Variants in ANAPC1 observed in about 807,000 individuals in gnomAD.
The protein encoded by ANAPC1 is anaphase promoting complex subunit 1.
A neutral mutation model predicts 208.0 loss-of-function variants in ANAPC1; 36 were observed. That is an observed-to-expected ratio of 0.17 (90% CI 0.13 to 0.23). The LOEUF is 0.23. Among genes scored for constraint, ANAPC1 ranks in the 10% least tolerant of loss-of-function variants. ANAPC1 has a pLI of 1.00. For missense variants in ANAPC1, 942 were observed against 2,011.6 expected, an observed-to-expected ratio of 0.47 and a Z score of 10.17; for synonymous variants, 378 against 695.2, an observed-to-expected ratio of 0.54 and a Z score of 7.18.
At chr2:111,862,189 C>A (rs990450163) in intron 10 of ANAPC1, among the ~76,000 whole-genome samples, 200 bp downstream of exon 10, 7 of 152,066 alleles carry the variant, frequency 4.6e-5, no homozygotes, top group African/African-American at 1.4e-4. Flanking sequence ...CAGGCATGAA[C>A]CACCACGTCC....
At chr2:111,848,594 T>C (rs935929512) in intron 14 of ANAPC1, among the ~76,000 whole-genome samples, 8 of 151,950 alleles carry the variant, frequency 5.3e-5, no homozygotes, top group Non-Finnish European at 8.8e-5. Context: ...CTGGCCAACA[T>C]GGTGAAACCC....
At chr2:111,827,768 T>A (rs995672280) in intron 21 of ANAPC1, among the ~76,000 whole-genome samples, 1 of 151,314 alleles carries the variant, frequency 6.6e-6, no homozygotes, top group African/African-American at 2.4e-5. Context: ...ATAAAAAAAA[T>A]AAAAAATAAA....
At chr2:111,867,708 A>G (rs1573502962) in intron 7 of ANAPC1, among the ~76,000 whole-genome samples, 1 of 151,500 alleles carries the variant, frequency 6.6e-6, no homozygotes, top group East Asian at 1.9e-4. Context: ...AAAAAAACCC[A>G]AAACAACAAC....
At position 111,868,078 on chromosome 2, in the gene ANAPC1, C is replaced by T. The variant is rs368125499; in HGVS notation, c.630G>A (p.Met210Ile). The T allele has an allele frequency of 1.9e-6, 3 of 1,594,350 alleles. No homozygotes were observed. The highest frequency in any genetic ancestry group is 2.6e-6 in the Non-Finnish European group (3 of 1,170,922). ...PGSPREPLPTMFSMLHPLDEI... is the reference protein window; with the variant it reads ...PGSPREPLPTIFSMLHPLDEI... Reference sequence around the variant, plus strand: ...CATCTAGTGGGTGCAGCATGCTGAACATAGTAGGTAAAGGTTCTCTAGCAA... The same window carrying T: ...CATCTAGTGGGTGCAGCATGCTGAATATAGTAGGTAAAGGTTCTCTAGCAA... The change falls in exon 7 of 48, where the codon ATG becomes ATA. Residue 210 changes from methionine (M) to isoleucine (I), a missense_variant. Physicochemically the swap from Met to Ile is conservative, Grantham distance 10. Coordinates refer to ENST00000341068, the MANE Select transcript of ANAPC1 (RefSeq NM_022662.4).
chr2:111,766,658 G>A (rs1476602366), downstream of ANAPC1: 5 of 295,916 alleles, frequency 1.7e-5, no homozygotes, highest in Non-Finnish European at 3.6e-5. Flanking sequence ...CATGCGGGAG[G>A]CAACGAAGTC....
chr2:111,790,615 GAAGAT>G (rs766756522), intron 38 of ANAPC1, among the ~76,000 whole-genome samples: 10 of 152,008 alleles, frequency 6.6e-5, no homozygotes, highest in Non-Finnish European at 1.3e-4. Context: ...AAAACTTCTA[GAAGAT>G]AAGATAGGAG....
intron 9 of ANAPC1, 27 bp from the exon 10 acceptor site, chr2:111,862,625 C>T (rs1235263619): frequency 1.2e-6 from 2 of 1,603,084 alleles, no homozygotes; most frequent in Non-Finnish European, 1.7e-6. Flanking sequence ...GGAGAGAGTA[C>T]ATCACAGTTA....
chr2:111,835,399 C>T (rs1680409321), intron 18 of ANAPC1, among the ~76,000 whole-genome samples: 1 of 152,182 alleles, frequency 6.6e-6, no homozygotes, highest in Admixed American at 6.5e-5. Context: ...TTTGGTTCTA[C>T]TTGTGATTTA....
chr2:111,871,849 G>A (rs1682765723), intron 6 of ANAPC1, among the ~76,000 whole-genome samples: 1 of 152,210 alleles, frequency 6.6e-6, no homozygotes, highest in Non-Finnish European at 1.5e-5. Flanking sequence ...TTTGTAATCT[G>A]AGACTTTACT....
At chr2:111,866,800 T>TAAA (rs59286666) in intron 7 of ANAPC1, among the ~76,000 whole-genome samples, 13 of 123,234 alleles carry the variant, frequency 1.1e-4, no homozygotes, top group African/African-American at 3.9e-4. Context: ...AAATTGTACT[T>TAAA]AAAAAAAAAA....
chr2:111,868,954 C>T (rs926790922), intron 6 of ANAPC1, among the ~76,000 whole-genome samples: 15 of 152,198 alleles, frequency 9.9e-5, no homozygotes, highest in African/African-American at 3.1e-4. Flanking sequence ...CTACCTCTTG[C>T]ACCACAACAT....
At chr2:111,787,073 C>T (rs1179352447) in intron 39 of ANAPC1, among the ~76,000 whole-genome samples, 5 of 140,982 alleles carry the variant, frequency 3.5e-5, no homozygotes, top group Admixed American at 1.4e-4. Context: ...GGCATGAACC[C>T]GGGAGGCGGA....
At chr2:111,773,819 G>A (rs1049977986) in intron 46 of ANAPC1, among the ~76,000 whole-genome samples, 1 of 152,284 alleles carries the variant, frequency 6.6e-6, no homozygotes, top group Non-Finnish European at 1.5e-5. Flanking sequence ...GTGTAAAAGA[G>A]GCTTTGTTGA....
intron 6 of ANAPC1, among the ~76,000 whole-genome samples, chr2:111,871,701 G>A (rs1190003660): frequency 3.3e-5 from 5 of 152,086 alleles, no homozygotes; most frequent in African/African-American, 4.8e-5. Flanking sequence ...GTGGTGAGCC[G>A]AGATCATGCC....
chr2:111,835,697 CG>C (rs1217283554), intron 18 of ANAPC1, among the ~76,000 whole-genome samples: 1 of 151,930 alleles, frequency 6.6e-6, no homozygotes, highest in East Asian at 1.9e-4. Context: ...AAAAATTAGC[CG>C]GGTGTGGTGG....
chr2:111,839,935 C>A (rs530479714), intron 17 of ANAPC1, among the ~76,000 whole-genome samples: 1 of 152,058 alleles, frequency 6.6e-6, no homozygotes, highest in African/African-American at 2.4e-5. Flanking sequence ...TCCTATGGAC[C>A]CTTACCCTTC....
At chr2:111,778,456 G>T (rs1361672050) in intron 45 of ANAPC1, among the ~76,000 whole-genome samples, 4 of 146,428 alleles carry the variant, frequency 2.7e-5, no homozygotes, top group African/African-American at 1.0e-4. Context: ...AACCCTTAAA[G>T]GAAGACAGCC....
At chr2:111,774,178 T>A (rs1221371503) in intron 46 of ANAPC1, among the ~76,000 whole-genome samples, 1 of 151,882 alleles carries the variant, frequency 6.6e-6, no homozygotes, top group Non-Finnish European at 1.5e-5. Context: ...GGAGCAAGGA[T>A]GACTTCCAAA....
intron 20 of ANAPC1, among the ~76,000 whole-genome samples, chr2:111,832,689 G>A (rs940118368): frequency 2.6e-5 from 4 of 152,068 alleles, no homozygotes; most frequent in African/African-American, 9.7e-5. Context: ...CAGCACTTTG[G>A]GAGGCCGAGG....
Sources: allele counts gnomAD v4.1 joint callset (sites outside exome capture counted in the v4.1 genomes callset), GRCh38; gene constraint gnomAD v4.1.1; transcripts MANE v1.5; gene names NCBI Gene and HGNC (gene_info 2026-07-23, HGNC 2026-07-21).